Variants in PLCXD2 observed in about 807,000 individuals in gnomAD.
PLCXD2 encodes phosphatidylinositol specific phospholipase C X domain containing 2, also known as PI-PLC X domain-containing protein 2.
In PLCXD2, 21 loss-of-function variants were observed where a neutral mutation model predicts 28.6. The observed-to-expected ratio is 0.73, with a 90% CI of 0.52 to 1.06. The LOEUF is 1.06. Ranked by LOEUF, PLCXD2 falls within the 50% of genes least tolerant of loss-of-function variation. The pLI is 0.00. For missense variants in PLCXD2, 369 were observed against 376.7 expected (o/e 0.98, Z 0.17); for synonymous variants, 140 against 150.1 (o/e 0.93, Z 0.49).
intron 2 of PLCXD2, among the ~76,000 whole-genome samples, chr3:111,711,538 GC>G (rs1192105996): frequency 3.9e-5 from 6 of 152,198 alleles, no homozygotes; most frequent in African/African-American, 1.2e-4. Flanking sequence ...TCACATGTAA[GC>G]CCCTGCGTAT....
intron 1 of PLCXD2, among the ~76,000 whole-genome samples, chr3:111,687,640 A>C (rs1026384441): frequency 6.6e-6 from 1 of 151,728 alleles, no homozygotes; most frequent in Admixed American, 6.6e-5. Context: ...TTAAGAACAC[A>C]TGTTCATCCC....
intron 1 of PLCXD2, among the ~76,000 whole-genome samples, chr3:111,701,095 T>A (rs900166576): frequency 2.0e-5 from 3 of 152,146 alleles, no homozygotes; most frequent in East Asian, 1.9e-4. Flanking sequence ...AGACCATCAG[T>A]ATTTAAGGCA....
chr3:111,685,962 T>C (rs530237246), intron 1 of PLCXD2, among the ~76,000 whole-genome samples: 3 of 152,282 alleles, frequency 2.0e-5, no homozygotes, highest in South Asian at 4.1e-4. Flanking sequence ...ACATAAATCA[T>C]AGGACGTTGG....
At chr3:111,711,256 T>C (rs1941195595) in intron 2 of PLCXD2, among the ~76,000 whole-genome samples, 1 of 151,996 alleles carries the variant, frequency 6.6e-6, no homozygotes, top group South Asian at 2.1e-4. Flanking sequence ...ATACAAAAAT[T>C]AGCTGGGCAT....
At chr3:111,725,653 C>T (rs1360188945) in intron 3 of PLCXD2, 1 of 398,414 alleles carries the variant, frequency 2.5e-6, no homozygotes. Context: ...CAAGAAAATT[C>T]TTTCTACCCT....
chr3:111,714,142 T>C lies in PLCXD2; in HGVS notation c.866+14T>C, dbSNP rs1325856664. On this transcript the variant is annotated intron_variant, in intron 3 of 4. Transcript: ENST00000477665. ...GCTGGTTCATAGGTAAGAATTTGCT[T>C]CCACCCCACAAGGAAAGCTTTTTAA... The C allele has an allele frequency of 6.2e-7, 1 of 1,610,160 alleles. No individual in the cohort carries two copies. Among genetic ancestry groups the C allele is most frequent in the Non-Finnish European group, 8.5e-7 (1 of 1,177,874 alleles).
At chr3:111,709,410 CTG>C (rs1400955100) in intron 2 of PLCXD2, among the ~76,000 whole-genome samples, 1 of 151,966 alleles carries the variant, frequency 6.6e-6, no homozygotes, top group South Asian at 2.1e-4. Context: ...GTGTATGTGT[CTG>C]TGTGTCACAT....
chr3:111,705,578 C>A (rs1208991757), intron 1 of PLCXD2, among the ~76,000 whole-genome samples: 1 of 151,334 alleles, frequency 6.6e-6, no homozygotes, highest in Non-Finnish European at 1.5e-5. Flanking sequence ...TTTTTCAGCA[C>A]CCCCCATACT....
chr3:111,683,927 A>G lies in PLCXD2; in HGVS notation c.163+8519A>G, dbSNP rs369219283. ...GGAAATAAAATGAGTGAGGATCTTG[A>G]AGAGAGGGAATGGCCCATTTAACAA... On this transcript the variant is annotated intron_variant, in intron 1 of 4. Coordinates refer to ENST00000477665, the MANE Select transcript of PLCXD2 (RefSeq NM_001185106.1). Among the ~76,000 whole-genome samples the G allele has an allele frequency of 7.9e-5, 12 of 152,284 alleles. No homozygotes were observed. The South Asian group carries it at 2.5e-3, about 32-fold the overall frequency.
intron 1 of PLCXD2, chr3:111,676,671 T>G (rs536015266): frequency 1.3e-5 from 2 of 152,314 alleles, no homozygotes; most frequent in East Asian, 3.9e-4. Context: ...TCAGAACAGG[T>G]CTTTTCCATG....
chr3:111,675,374 C>G lies in PLCXD2; in HGVS notation c.129C>G (p.Leu43=). Residue 43 remains leucine, a synonymous_variant, in exon 1 of 5, where the codon CTC becomes CTG. Transcript: ENST00000477665. ...GGATGGCCTCGCTCCCCCCTCACCT[C>G]CACAACCTCCCCCTTTCCAATCTGG... is the stretch of plus-strand genomic sequence containing the variant. 6.2e-7 allele frequency: 1 copy of G among 1,614,166 alleles called. No homozygotes were observed. The highest frequency in any genetic ancestry group is 8.5e-7 in the Non-Finnish European group (1 of 1,180,012).
At chr3:111,702,949 G>T (rs570775314) in intron 1 of PLCXD2, among the ~76,000 whole-genome samples, 1 of 152,190 alleles carries the variant, frequency 6.6e-6, no homozygotes, top group Non-Finnish European at 1.5e-5. Flanking sequence ...AATATTGTAT[G>T]TGCAGGAATG....
intron 2 of PLCXD2, among the ~76,000 whole-genome samples, chr3:111,709,794 C>T (rs1941174959): frequency 6.6e-6 from 1 of 152,152 alleles, no homozygotes; most frequent in Non-Finnish European, 1.5e-5. Context: ...AGAGAGGCGA[C>T]TGGTGATCAT....
At chr3:111,724,921 T>G (rs1941395951) in intron 3 of PLCXD2, 1 of 152,188 alleles carries the variant, frequency 6.6e-6, no homozygotes, top group South Asian at 2.1e-4. Context: ...GATTTGCAAA[T>G]CTTGGTTGAT....
At position 111,714,008 on chromosome 3, in the gene PLCXD2, C is replaced by T. The variant is rs763452444; in HGVS notation, c.746C>T (p.Thr249Ile). ...CGCAAACTAATCCTCTTCTTGGAGA[C>T]CACTCTGAGTGAGCGGGCCTCACGG... is the stretch of plus-strand genomic sequence containing the variant. Residue 249 changes from threonine to isoleucine, a missense_variant, in exon 3 of 5, where the codon ACC becomes ATC. By Grantham distance (89) the Thr-to-Ile change is moderately conservative. Coordinates refer to ENST00000477665, the MANE Select transcript of PLCXD2 (RefSeq NM_001185106.1). 3.7e-6 allele frequency: 6 copies of T among 1,614,178 alleles called. No homozygotes were observed. The highest frequency in any genetic ancestry group is 2.2e-5 in the East Asian group (1 of 44,878).
rs755794198 is a variant in PLCXD2, at chr3:111,714,115, A to T, written c.853A>T (p.Thr285Ser). Residue 285 changes from threonine to serine, a missense_variant, in exon 3 of 5, where the codon ACG becomes TCG. Thr to Ser is a moderately conservative substitution (Grantham distance 58). Transcript: ENST00000477665. Reference sequence around the variant, plus strand: ...GGGCTTGGTTGGGGGCCTCAAGAACACGCTGGTTCATAGGTAAGAATTTGC... The same window carrying T: ...GGGCTTGGTTGGGGGCCTCAAGAACTCGCTGGTTCATAGGTAAGAATTTGC... 6.2e-7 allele frequency: 1 copy of T among 1,613,946 alleles called. No homozygotes were observed. The highest frequency in any genetic ancestry group is 8.5e-7 in the Non-Finnish European group (1 of 1,179,956).
At chr3:111,690,500 G>A (rs935173525) in intron 1 of PLCXD2, among the ~76,000 whole-genome samples, 1 of 152,138 alleles carries the variant, frequency 6.6e-6, no homozygotes, top group African/African-American at 2.4e-5. Context: ...AATCTATCTG[G>A]CCTCTATTCT....
chr3:111,695,796 G>A (rs1224357737), intron 1 of PLCXD2, among the ~76,000 whole-genome samples: 2 of 152,220 alleles, frequency 1.3e-5, no homozygotes, highest in Non-Finnish European at 2.9e-5. Flanking sequence ...TGGGCTGGAA[G>A]GCCTGTGGGA....
chr3:111,725,423 A>G, intron 3 of PLCXD2: 2 of 382,502 alleles, frequency 5.2e-6, no homozygotes, highest in Non-Finnish European at 9.3e-6. Flanking sequence ...GTGATAAGTA[A>G]TTTAGGTAGA....
Sources: allele counts gnomAD v4.1 joint callset (sites outside exome capture counted in the v4.1 genomes callset), GRCh38; gene constraint gnomAD v4.1.1; transcripts MANE v1.5; gene names NCBI Gene and HGNC (gene_info 2026-07-23, HGNC 2026-07-21).